Variants in FLII observed in about 807,000 individuals in gnomAD.
FLII encodes FLII actin remodeling protein, also known as protein flightless-1 homolog.
Under a neutral mutation model 156.2 loss-of-function variants are expected in FLII, and 101 were observed. That is an observed-to-expected ratio of 0.65 (90% CI 0.55 to 0.76). The LOEUF (loss-of-function observed/expected upper bound fraction) is 0.76. Ranked by LOEUF, FLII falls within the 30% of genes least tolerant of loss-of-function variation. The pLI, the probability that FLII is intolerant of heterozygous loss-of-function variation, is 0.00. For missense variants in FLII, 1,675 were observed against 1,682.8 expected (o/e 1.00, Z 0.08); for synonymous variants, 767 against 685.8 (o/e 1.12, Z -1.85).
In FLII at chr17:18,255,133, A is replaced by G. The variant is rs769664645; in HGVS notation, c.327+50T>C. 6.4e-6 allele frequency: 9 copies of G among 1,407,734 alleles called. No individual in the cohort carries two copies. The South Asian group carries it at 9.2e-5, about 14-fold the overall frequency. The allele number at this position is 1,407,734 out of a possible 1,614,324, so 87.2% of individuals were successfully genotyped here. On this transcript the variant is annotated intron_variant, in intron 4 of 29. Coordinates refer to ENST00000327031, the MANE Select transcript of FLII (RefSeq NM_002018.4). Reference sequence around the variant, plus strand: ...CCAGGGACTTTTATAGTGAGTGGGGATTGAATGGTCCGGCTAGCACAGGGG... The same window carrying G: ...CCAGGGACTTTTATAGTGAGTGGGGGTTGAATGGTCCGGCTAGCACAGGGG...
chr17:18,259,016 T>A, upstream of FLII: 1 of 182,540 alleles, frequency 5.5e-6, no homozygotes, highest in Non-Finnish European at 1.1e-5. Flanking sequence ...CTGCAGCACA[T>A]GAAGCTGGCC....
intron 25 of FLII, 24 bp downstream of exon 25, chr17:18,246,138 C>A: frequency 6.2e-7 from 1 of 1,614,170 alleles, no homozygotes. Context: ...TCCACGGAGT[C>A]CTGGCTCACA....
chr17:18,244,903 CG>C lies in FLII; in HGVS notation c.*234del, dbSNP rs1490406835. 1.8e-4 allele frequency: 93 copies of C among 531,106 alleles called. No individual in the cohort carries two copies. Among genetic ancestry groups the C allele is most frequent in the Middle Eastern group, 5.0e-4 (1 of 2,016 alleles). 32.9% of individuals were successfully genotyped at this position (531,106 alleles called of 1,614,324 possible). On this transcript the variant is annotated 3_prime_UTR_variant, in exon 30 of 30. Transcript: ENST00000327031. ...GCATCCACATCTGCTTTATCCCTAG[CG>C]GAAGAGTGAGGGGGCTTCACACGTG...
Position 18,254,103 on chromosome 17 carries a change from G to A in FLII, c.655C>T (p.Leu219=). Residue 219 remains leucine, a synonymous_variant, in exon 7 of 30, where the codon CTG becomes TTG. Coordinates refer to ENST00000327031, the MANE Select transcript of FLII (RefSeq NM_002018.4). ...CCTGCGAGGTTGCTCAGACCCTCCAGGCTGGTGGGCAGGTTGCTCTGGGTG... is the reference window on the plus strand; with the variant it reads ...CCTGCGAGGTTGCTCAGACCCTCCAAGCTGGTGGGCAGGTTGCTCTGGGTG... ...QRTQSNLPTS[L]EGLSNLADVD... 6.2e-7 allele frequency: 1 copy of A among 1,611,180 alleles called. No individual in the cohort carries two copies. Among genetic ancestry groups the A allele is most frequent in the South Asian group, 1.1e-5 (1 of 90,884 alleles).
intron 7 of FLII, 150 bp from the exon 8 acceptor site, chr17:18,253,869 AAACTCC>A: frequency 1.1e-6 from 1 of 878,834 alleles, no homozygotes; most frequent in Non-Finnish European, 1.7e-6. Context: ...CCATTTGGAC[AAACTCC>A]CTCACATGGG....
Position 18,247,331 on chromosome 17 carries a change from C to G in FLII, c.2514G>C (p.Trp838Cys). 1 of 1,606,638 alleles carries G rather than the reference C, an allele frequency of 6.2e-7. No individual in the cohort carries two copies. The highest frequency in any genetic ancestry group is 1.1e-5 in the South Asian group (1 of 90,646). Residue 838 changes from tryptophan (W) to cysteine (C), a missense_variant, in exon 21 of 30, where the codon TGG becomes TGC. Trp to Cys is a radical substitution (Grantham distance 215). Around this residue, in one of 2 missense-constraint regions of FLII, gnomAD observed 1,332 missense variants for 1,269.3 expected, o/e 1.05. Transcript: ENST00000327031. ...AQVFKAKFKN[W>C]DDVLTVDYTR... ...TGTAGTCCACCGTCAACACATCGTC[C>G]CAATTCTTGAACTTGGCCTTGAACA...
intron 10 of FLII, 100 bp from the exon 11 acceptor site, chr17:18,252,246 G>A (rs1597914960): frequency 1.7e-6 from 2 of 1,183,142 alleles, no homozygotes; most frequent in East Asian, 2.5e-5. Context: ...CCAGGGCTGA[G>A]AGGTCAGGGA....
intron 9 of FLII, among the ~76,000 whole-genome samples, chr17:18,253,087 C>T (rs1463395282): frequency 6.6e-6 from 1 of 152,176 alleles, no homozygotes; most frequent in Non-Finnish European, 1.5e-5. Context: ...GAGACAGAGG[C>T]TGCAGTCAGC....
At chr17:18,245,477 C>A in intron 28 of FLII, 58 bp from the exon 29 acceptor site, 1 of 1,612,506 alleles carries the variant, frequency 6.2e-7, no homozygotes, top group South Asian at 1.1e-5. Context: ...GCCCCTTGCT[C>A]CTGGCCCGAG....
At position 18,248,586 on chromosome 17, in the gene FLII, A is replaced by C. The variant is rs1291911647; in HGVS notation, c.2154T>G (p.Pro718=). Reference sequence around the variant, plus strand: ...TGGGCTGCGGCGGCCAGAAGTCTTCAGGCACGTGCTTCTTGATCTCAGAGG... The same window carrying C: ...TGGGCTGCGGCGGCCAGAAGTCTTCCGGCACGTGCTTCTTGATCTCAGAGG... ...GEPSEIKKHV[P]EDFWPPQPKL... Residue 718 remains proline (P), a synonymous_variant, in exon 18 of 30, where the codon CCT becomes CCG. Transcript: ENST00000327031. 6.2e-7 allele frequency: 1 copy of C among 1,612,928 alleles called. No homozygotes were observed. The highest frequency in any genetic ancestry group is 2.2e-5 in the East Asian group (1 of 44,854).
Position 18,245,223 on chromosome 17 carries a change from A to G in FLII, c.3725T>C (p.Leu1242Pro). The G allele has an allele frequency of 6.2e-7, 1 of 1,613,914 alleles. No individual in the cohort carries two copies. Among genetic ancestry groups the G allele is most frequent in the Non-Finnish European group, 8.5e-7 (1 of 1,179,900 alleles). The change falls in exon 30 of 30, where the codon CTG becomes CCG. Residue 1242 changes from leucine (L) to proline (P), a missense_variant. Coordinates refer to ENST00000327031, the MANE Select transcript of FLII (RefSeq NM_002018.4). ...RSKEHERPRR[L>P]RLVRKGNEQH... ...CTCATTGCCCTTGCGGACCAGGCGC[A>G]GCCGGCGCGGCCGCTCATGTTCCTT...
At position 18,248,810 on chromosome 17, in the gene FLII, TG is replaced by T; in HGVS notation, c.2007del (p.Thr670ProfsTer90). The T allele has an allele frequency of 1.2e-6, 2 of 1,613,974 alleles. No individual in the cohort carries two copies. Among genetic ancestry groups the T allele is most frequent in the Non-Finnish European group, 8.5e-7 (1 of 1,179,976 alleles). On this transcript the variant is annotated frameshift_variant, in exon 17 of 30. Transcript: ENST00000327031. LOFTEE classifies it high-confidence loss of function. Reference sequence around the variant, plus strand: ...ACGGTGTCCTTGTACCTGGCCTTGGTGGTGCTGCTCAGTGTGGCCTGGGCCC... The same window carrying T: ...ACGGTGTCCTTGTACCTGGCCTTGGTGTGCTGCTCAGTGTGGCCTGGGCCC... ...WRGAQATLSS[T>X]TKARLFAEKI... is the part of the protein sequence containing the mutation.
Position 18,258,238 on chromosome 17 carries a change from C to T in FLII, c.63+390G>A, listed in dbSNP as rs1364259938. Among the ~76,000 whole-genome samples the T allele has an allele frequency of 6.6e-6, 1 of 152,256 alleles. No individual in the cohort carries two copies. The highest frequency in any genetic ancestry group is 1.5e-5 in the Non-Finnish European group (1 of 68,044). On this transcript the variant is annotated intron_variant, in intron 1 of 29. Transcript: ENST00000327031. The surrounding 1 kb of genome is among the most constrained non-coding windows in gnomAD (Gnocchi z 4.2). ...CAGTGATGAGTCGGCTCCACACCCG[C>T]CCCTGGGCAGCCGGGCAGCCATCCC...
At chr17:18,252,708 G>A (rs573624719) in intron 9 of FLII, 152 bp from the exon 10 acceptor site, 4 of 654,692 alleles carry the variant, frequency 6.1e-6, no homozygotes, top group South Asian at 3.5e-5. Context: ...TCAGAGCCAA[G>A]AGACCATGTT....
chr17:18,247,940 T>G lies in FLII; in HGVS notation c.2284A>C (p.Arg762=). 6.2e-7 allele frequency: 1 copy of G among 1,614,088 alleles called. No homozygotes were observed. The highest frequency in any genetic ancestry group is 8.5e-7 in the Non-Finnish European group (1 of 1,179,930). Residue 762 remains arginine (R), a synonymous_variant, in exon 19 of 30, where the codon AGA becomes CGA. Transcript: ENST00000327031. The stretch of plus-strand genomic sequence containing the variant: ...CCTGCATCTCTTACCAGCCGCATTC[T>G]TGGCATCAGCTCCACCTTGGGACGC... The part of the protein sequence containing the change: ...KQRPKVELMP[R]MRLLQSLLDT...
chr17:18,249,323 C>T lies in FLII; in HGVS notation c.1859+3G>A. 6.2e-7 allele frequency: 1 copy of T among 1,613,916 alleles called. No individual in the cohort carries two copies. The highest frequency in any genetic ancestry group is 8.5e-7 in the Non-Finnish European group (1 of 1,179,752). ...ATACCCCCCACTGCCCACACACCCT[C>T]ACCTGGTGACATAGTGTGTGTCTTC... On this transcript the variant is annotated splice_donor_region_variant and intron_variant, in intron 15 of 29. Coordinates refer to ENST00000327031, the MANE Select transcript of FLII (RefSeq NM_002018.4).
chr17:18,245,015 T>TA lies in FLII; in HGVS notation c.*122_*123insT. ...CCCCATTGGTGCTGCTTGAGGCTAC[T>TA]GGGGACTGTGGCACTGGACGTGGCT... On this transcript the variant is annotated 3_prime_UTR_variant, in exon 30 of 30. Transcript: ENST00000327031. 9.1e-7 allele frequency: 1 copy of TA among 1,093,734 alleles called. No individual in the cohort carries two copies. The highest frequency in any genetic ancestry group is 2.2e-5 in the Admixed American group (1 of 45,928). 67.8% of individuals were successfully genotyped at this position (1,093,734 alleles called of 1,614,324 possible).
At chr17:18,253,006 C>T (rs940943520) in intron 9 of FLII, among the ~76,000 whole-genome samples, 2 of 152,136 alleles carry the variant, frequency 1.3e-5, no homozygotes, top group African/African-American at 2.4e-5. Flanking sequence ...CAAAAAGAGC[C>T]GGGCGTGGTA....
chr17:18,248,162 T>C (rs1469783255), intron 18 of FLII, 129 bp from the exon 19 acceptor site: 1 of 638,208 alleles, frequency 1.6e-6, no homozygotes, highest in Non-Finnish European at 2.7e-6. Context: ...CCCCCTCCCC[T>C]TCAAGGTCTT....
Sources: gnomAD v4.1 joint callset for allele counts (sites outside exome capture counted in the v4.1 genomes callset) on GRCh38, gnomAD v4.1.1 for gene constraint, gnomAD v4.1.1 regional missense constraint, Gnocchi (gnomAD v3.1) non-coding constraint, MANE v1.5 for transcripts, NCBI Gene and HGNC (gene_info 2026-07-23, HGNC 2026-07-21) for gene names.